The following ZNF254 variants were observed in gnomAD, a reference collection of about 807,000 sequenced individuals.
The protein encoded by ZNF254 is CTD-2017D11.1.
In ZNF254, 10 loss-of-function variants were observed where a neutral mutation model predicts 12.4. That is an observed-to-expected ratio of 0.80 (90% confidence interval 0.50 to 1.36). The LOEUF is 1.36. ZNF254 is among the 40% of genes most tolerant of loss of function. The pLI is 0.00. For missense variants in ZNF254, 996 were observed against 763.9 expected, an observed-to-expected ratio of 1.30 and a Z score of -3.58; for synonymous variants, 305 against 253.4, an observed-to-expected ratio of 1.20 and a Z score of -1.93.
At chr19:24,098,938 A>G (rs146105679) in intron 1 of ZNF254, 4 of 147,876 alleles carry the variant, frequency 2.7e-5, no homozygotes, top group South Asian at 2.2e-4. Flanking sequence ...TGAAGGTGCA[A>G]TTCTACCCAA....
At position 24,118,276 on chromosome 19, in the gene ZNF254, ACTC is replaced by A. The variant is rs560339998; in HGVS notation, c.254-7975_254-7973del. ...ACCATGTTGATCAGGCTGGTCTTGA[ACTC>A]CTGACCTCAAAATCCGCCCGCATCA... On this transcript the variant is annotated intron_variant, in intron 3 of 3. Transcript: ENST00000357002. Among the ~76,000 whole-genome samples, 318 of 151,208 alleles carry A rather than the reference ACTC, an allele frequency of 2.1e-3. 2 individuals are homozygous for A. Among genetic ancestry groups the A allele is most frequent in the Non-Finnish European group, 3.2e-3 (216 of 67,762 alleles).
chr19:24,033,840 C>T (rs368993556), intron 1 of ZNF254, among the ~76,000 whole-genome samples: 7 of 152,358 alleles, frequency 4.6e-5, no homozygotes, highest in East Asian at 1.9e-4. Context: ...CTGGGCAGCT[C>T]TGCATGCAGC....
chr19:24,049,214 A>ATTTTTTTT (rs66491625), intron 2 of ZNF254, among the ~76,000 whole-genome samples: 32 of 40,846 alleles, frequency 7.8e-4, no homozygotes, highest in Admixed American at 2.3e-3. Flanking sequence ...ATATATATAT[A>ATTTTTTTT]TTTTTTTTTT....
chr19:24,047,285 T>A (rs1226385068), intron 2 of ZNF254, among the ~76,000 whole-genome samples: 1 of 152,024 alleles, frequency 6.6e-6, no homozygotes, highest in Non-Finnish European at 1.5e-5. Context: ...TCCTTCTCTC[T>A]TTCCCTTTGT....
At chr19:24,118,655 C>T (rs1471914959) in intron 3 of ZNF254, among the ~76,000 whole-genome samples, 1 of 151,918 alleles carries the variant, frequency 6.6e-6, no homozygotes, top group Non-Finnish European at 1.5e-5. Context: ...TCTAGGAGGC[C>T]TTATCCCTCT....
At position 24,087,845 on chromosome 19, in the gene ZNF254, A is replaced by G. The variant is rs908403461; in HGVS notation, c.30+508A>G. Among the ~76,000 whole-genome samples the G allele has an allele frequency of 8.6e-5, 13 of 152,022 alleles. No homozygotes were observed. The South Asian group carries it at 2.7e-3, about 32-fold the overall frequency. On this transcript the variant is annotated intron_variant, in intron 1 of 3. Coordinates refer to ENST00000357002, the MANE Select transcript of ZNF254 (RefSeq NM_203282.4). ...AGGGGCCTGAAGAAAAGATTGTTACAAGGTTCATGATAAAGAAAACCAAAT... is the reference window on the plus strand; with the variant it reads ...AGGGGCCTGAAGAAAAGATTGTTACGAGGTTCATGATAAAGAAAACCAAAT...
chr19:24,078,896 C>T (rs567301310), intron 2 of ZNF254: 6 of 152,244 alleles, frequency 3.9e-5, no homozygotes, highest in South Asian at 2.1e-4. Context: ...GAAAACTCAT[C>T]GTCAGGGCTG....
rs748646434 is a variant in ZNF254, at chr19:24,127,382, C to G, written c.1382C>G (p.Pro461Arg). The change falls in exon 4 of 4, where the codon CCC becomes CGC. Residue 461 changes from proline to arginine, a missense_variant. Transcript: ENST00000357002. ...KHKRIHTREK[P>R]YKCEECGKAF... ...AAGAGAATTCATACTAGAGAGAAAC[C>G]CTACAAATGTGAAGAATGTGGCAAG... 2.5e-6 allele frequency: 4 copies of G among 1,612,080 alleles called. 1 individual carries two copies. The South Asian group carries it at 4.4e-5, about 18-fold the overall frequency.
chr19:24,126,192 T>A (rs1167414911), intron 3 of ZNF254, 62 bp from the exon 4 acceptor site: 50 of 1,146,272 alleles, frequency 4.4e-5, no homozygotes, highest in Admixed American at 7.2e-5. Context: ...GTAAGATTTT[T>A]AAACTATATT....
chr19:24,058,105 A>G (rs1190723324), intron 2 of ZNF254, among the ~76,000 whole-genome samples: 1 of 152,186 alleles, frequency 6.6e-6, no homozygotes, highest in Non-Finnish European at 1.5e-5. Context: ...CCTTGCACCC[A>G]GGTAATGTGA....
chr19:24,111,124 C>T (rs1973652560), intron 3 of ZNF254, among the ~76,000 whole-genome samples: 1 of 130,806 alleles, frequency 7.6e-6, no homozygotes, highest in East Asian at 2.4e-4. Flanking sequence ...CACAACAGTC[C>T]ACAGAGTGTG....
chr19:24,055,520 A>G (rs58837337), intron 2 of ZNF254, among the ~76,000 whole-genome samples: 22,386 of 151,920 alleles, frequency 0.15, 1,923 homozygotes, highest in Middle Eastern at 0.23. Context: ...CTCGTGATCC[A>G]CCTGCATCAG....
intron 3 of ZNF254, among the ~76,000 whole-genome samples, chr19:24,116,077 A>C (rs1344279337): frequency 6.6e-6 from 1 of 152,160 alleles, no homozygotes; most frequent in Non-Finnish European, 1.5e-5. Context: ...TCTTAGTCCG[A>C]TGGGCTTCCC....
intron 1 of ZNF254, among the ~76,000 whole-genome samples, chr19:24,041,498 C>CT (rs1970157726): frequency 6.6e-6 from 1 of 152,250 alleles, no homozygotes; most frequent in African/African-American, 2.4e-5. Context: ...CCCAGCAGTG[C>CT]TGGCCCACCG....
chr19:24,042,210 G>T (rs891492082), intron 1 of ZNF254, among the ~76,000 whole-genome samples: 1 of 152,226 alleles, frequency 6.6e-6, no homozygotes, highest in Non-Finnish European at 1.5e-5. Context: ...CCTGTGTGTT[G>T]AAACTCTATA....
At position 24,127,816 on chromosome 19, in the gene ZNF254, G is replaced by T. The variant is rs1484624856; in HGVS notation, c.1816G>T (p.Glu606Ter). Residue 606 changes from glutamate (E) to a stop codon, truncating the protein, a stop_gained, in exon 4 of 4, where the codon GAA becomes TAA. Coordinates refer to ENST00000357002, the MANE Select transcript of ZNF254 (RefSeq NM_203282.4). LOFTEE classifies it low-confidence loss of function (END_TRUNC). ...TGGAGTAAAACCCTACAAATGTGAAGAATGTGGCAAAGCATTTTTCTGGTC... is the reference window on the plus strand; with the variant it reads ...TGGAGTAAAACCCTACAAATGTGAATAATGTGGCAAAGCATTTTTCTGGTC... ...HTGVKPYKCE[E>*]CGKAFFWSST... 2 of 1,612,890 alleles carry T rather than the reference G, an allele frequency of 1.2e-6. No individual in the cohort carries two copies. Among genetic ancestry groups the T allele is most frequent in the Admixed American group, 3.3e-5 (2 of 59,882 alleles).
At position 24,126,862 on chromosome 19, in the gene ZNF254, C is replaced by A. The variant is rs1459809283; in HGVS notation, c.862C>A (p.His288Asn). 1 of 1,613,352 alleles carries A rather than the reference C, an allele frequency of 6.2e-7. No homozygotes were observed. Among genetic ancestry groups the A allele is most frequent in the African/African-American group, 1.3e-5 (1 of 74,900 alleles). The change falls in exon 4 of 4, where the codon CAT (histidine) becomes AAT (asparagine). Residue 288 changes from histidine to asparagine, a missense_variant. His to Asn is a moderately conservative substitution (Grantham distance 68). Coordinates refer to ENST00000357002, the MANE Select transcript of ZNF254 (RefSeq NM_203282.4). ...SSNLTTHKII[H>N]TGEKPYKCEE... ...AAATCTTACTACACATAAGATAATT[C>A]ATACTGGAGAGAAACCTTACAAGTG... is the stretch of plus-strand genomic sequence containing the variant.
intron 2 of ZNF254, among the ~76,000 whole-genome samples, chr19:24,067,920 C>G (rs78936850): frequency 1.3e-5 from 2 of 152,178 alleles, no homozygotes; most frequent in East Asian, 3.9e-4. Context: ...AGTGATGTGA[C>G]TCTTCATCAG....
chr19:24,045,435 C>T (rs964117992), intron 1 of ZNF254, among the ~76,000 whole-genome samples: 3 of 151,802 alleles, frequency 2.0e-5, no homozygotes, highest in Admixed American at 1.3e-4. Flanking sequence ...TTTGGGAGGC[C>T]GAGGTGGGCG....
Sources: allele counts gnomAD v4.1 joint callset (sites outside exome capture counted in the v4.1 genomes callset), GRCh38; gene constraint gnomAD v4.1.1; transcripts MANE v1.5; gene names NCBI Gene and HGNC (gene_info 2026-07-23, HGNC 2026-07-21).